The following TNKS variants were observed in gnomAD, a reference collection of about 807,000 sequenced individuals.
The protein encoded by TNKS is tankyrase.
In TNKS, 72 loss-of-function variants were observed where a neutral mutation model predicts 135.8. The ratio of observed to expected loss-of-function variants is 0.53; its 90% CI spans 0.44 to 0.64. The LOEUF (loss-of-function observed/expected upper bound fraction) is 0.64. Ranked by LOEUF, TNKS falls within the 30% of genes least tolerant of loss-of-function variation. The pLI is 0.00. For synonymous variants in TNKS, 849 were observed against 649.3 expected (o/e 1.31, Z -4.68); for missense variants, 1,769 against 1,674.0 (o/e 1.06, Z -0.99).
rs1169580329 is a variant in TNKS at position 9,695,998 on chromosome 8, A to G, written c.1108-8665A>G. ...GAAGTCTTACATATATCATGTAGTG[A>G]TGTCACATAGGCAGTTGGATTATAG... On this transcript the variant is annotated intron_variant, in intron 5 of 26. Coordinates refer to ENST00000310430, the MANE Select transcript of TNKS (RefSeq NM_003747.3). Among the ~76,000 whole-genome samples, 9 of 152,332 alleles carry G rather than the reference A, an allele frequency of 5.9e-5. No homozygotes were observed. In the South Asian group the frequency reaches 6.2e-4, roughly 11 times the overall value.
chr8:9,741,906 C>A (rs911890998), intron 17 of TNKS: 4 of 231,762 alleles, frequency 1.7e-5, no homozygotes, highest in Non-Finnish European at 2.9e-5. Context: ...AACTCCCCTT[C>A]TCCTTTTCTA....
At chr8:9,734,371 T>C (rs969693600) in intron 15 of TNKS, among the ~76,000 whole-genome samples, 2 of 152,234 alleles carry the variant, frequency 1.3e-5, no homozygotes, top group Non-Finnish European at 2.9e-5. Flanking sequence ...AATTTCATGA[T>C]AGATGTTAAG....
intron 1 of TNKS, among the ~76,000 whole-genome samples, chr8:9,578,376 G>A (rs4840428): frequency 0.29 from 43,388 of 152,046 alleles, 6,581 homozygotes; most frequent in East Asian, 0.38. Context: ...AACAAAACCA[G>A]GAACCCTGGT....
intron 1 of TNKS, among the ~76,000 whole-genome samples, chr8:9,571,096 C>T (rs1414876663): frequency 6.6e-6 from 1 of 152,156 alleles, no homozygotes; most frequent in Non-Finnish European, 1.5e-5. Context: ...ATTCATTGTA[C>T]TATGTTTAAC....
At chr8:9,646,488 C>G (rs916232296) in intron 3 of TNKS, among the ~76,000 whole-genome samples, 1 of 152,014 alleles carries the variant, frequency 6.6e-6, no homozygotes, top group African/African-American at 2.4e-5. Flanking sequence ...GAGATTTTCT[C>G]ATTTTTATAC....
At chr8:9,561,939 C>T (rs1355244321) in intron 1 of TNKS, among the ~76,000 whole-genome samples, 1 of 152,176 alleles carries the variant, frequency 6.6e-6, no homozygotes, top group Non-Finnish European at 1.5e-5. Flanking sequence ...GCCTCAGCCT[C>T]CTGAGTAGCT....
intron 3 of TNKS, among the ~76,000 whole-genome samples, chr8:9,635,132 T>C (rs1800460202): frequency 6.7e-6 from 1 of 148,888 alleles, no homozygotes; most frequent in Non-Finnish European, 1.5e-5. Context: ...ACCGCGCCAC[T>C]GCACTCCAGC....
At chr8:9,720,587 T>G (rs1406347011) in intron 12 of TNKS, 42 bp downstream of exon 12, 2 of 1,567,464 alleles carry the variant, frequency 1.3e-6, no homozygotes, top group Non-Finnish European at 1.7e-6. Context: ...TGTTTTCTCT[T>G]CCATCCCTGC....
chr8:9,633,016 A>C (rs575948308), intron 3 of TNKS, among the ~76,000 whole-genome samples: 1 of 152,216 alleles, frequency 6.6e-6, no homozygotes, highest in Non-Finnish European at 1.5e-5. Context: ...GGCATGAGCC[A>C]CCGCACCCGG....
At position 9,710,048 on chromosome 8, in the gene TNKS, T is replaced by G; in HGVS notation, c.1670+2T>G. On this transcript the variant is annotated splice_donor_variant, in intron 10 of 26. Transcript: ENST00000310430. LOFTEE classifies it high-confidence loss of function. The stretch of plus-strand genomic sequence containing the variant: ...AAATGTTAATGAAAAAAATAAAGAG[T>G]AAGTATAATTGCAGAAGGAGTTGTT... 6.2e-7 allele frequency: 1 copy of G among 1,612,370 alleles called. No homozygotes were observed. Among genetic ancestry groups the G allele is most frequent in the Non-Finnish European group, 8.5e-7 (1 of 1,178,674 alleles).
intron 2 of TNKS, among the ~76,000 whole-genome samples, chr8:9,585,635 A>G (rs370081264): frequency 2.0e-5 from 3 of 152,322 alleles, no homozygotes; most frequent in South Asian, 4.1e-4. Flanking sequence ...TTAAGTTGTA[A>G]TTTCCTTGAT....
intron 17 of TNKS, among the ~76,000 whole-genome samples, chr8:9,742,302 G>A (rs1174871553): frequency 6.6e-6 from 1 of 150,754 alleles, no homozygotes; most frequent in Non-Finnish European, 1.5e-5. Flanking sequence ...GTGATTTCTA[G>A]ACCTTTTTTT....
chr8:9,588,566 G>T (rs1044148998), intron 2 of TNKS, among the ~76,000 whole-genome samples: 1 of 152,194 alleles, frequency 6.6e-6, no homozygotes, highest in Non-Finnish European at 1.5e-5. Context: ...GTGAGCTGCC[G>T]CGCCCGGCCC....
chr8:9,687,329 T>G (rs1339342622), intron 5 of TNKS, among the ~76,000 whole-genome samples: 3 of 152,198 alleles, frequency 2.0e-5, no homozygotes, highest in African/African-American at 7.2e-5. Flanking sequence ...ATCAAGTCAC[T>G]TCTTCGGAGT....
intron 26 of TNKS, among the ~76,000 whole-genome samples, chr8:9,773,765 A>AT: frequency 6.6e-6 from 1 of 152,078 alleles, no homozygotes; most frequent in Non-Finnish European, 1.5e-5. Context: ...CTCAGCATTT[A>AT]TTTTATTTCC....
chr8:9,659,485 A>C (rs1057308972), intron 3 of TNKS, among the ~76,000 whole-genome samples: 8 of 152,206 alleles, frequency 5.3e-5, no homozygotes, highest in Non-Finnish European at 1.2e-4. Context: ...CCTAATGACT[A>C]CTGGGTACCT....
chr8:9,726,905 T>C (rs1805190877), intron 13 of TNKS, among the ~76,000 whole-genome samples, 185 bp downstream of exon 13: 1 of 152,226 alleles, frequency 6.6e-6, no homozygotes, highest in African/African-American at 2.4e-5. Flanking sequence ...TGAAACCATT[T>C]GTATATATAT....
At chr8:9,730,478 G>T (rs1040647261) in intron 13 of TNKS, among the ~76,000 whole-genome samples, 14 of 152,130 alleles carry the variant, frequency 9.2e-5, no homozygotes, top group African/African-American at 3.4e-4. Flanking sequence ...CATTAGAGAC[G>T]GCAAGAGCTC....
chr8:9,734,237 C>T (rs995516703), intron 15 of TNKS, among the ~76,000 whole-genome samples: 7 of 152,144 alleles, frequency 4.6e-5, no homozygotes, highest in Middle Eastern at 3.4e-3. Context: ...AACTAATTTC[C>T]GCAGTGAGCC....
Sources: gnomAD v4.1 joint callset for allele counts (sites outside exome capture counted in the v4.1 genomes callset) on GRCh38, gnomAD v4.1.1 for gene constraint, MANE v1.5 for transcripts, NCBI Gene and HGNC (gene_info 2026-07-23, HGNC 2026-07-21) for gene names.